MOV10L1: variants seen among roughly 807,000 people sequenced by gnomAD.
MOV10L1 encodes the protein Mov10 like RNA helicase 1.
Under a neutral mutation model 143.8 loss-of-function variants are expected in MOV10L1, and 110 were observed. That is an observed-to-expected ratio of 0.76 (90% CI 0.66 to 0.90). MOV10L1 has a LOEUF of 0.90. MOV10L1 is among the 40% of genes least tolerant of loss of function. The pLI is 0.00. For synonymous variants in MOV10L1, 593 were observed against 581.1 expected (o/e 1.02, Z -0.29); for missense variants, 1,406 against 1,526.8 (o/e 0.92, Z 1.32).
chr22:50,112,456 G>T (rs1380995693), intron 5 of MOV10L1, among the ~76,000 whole-genome samples: 1 of 152,240 alleles, frequency 6.6e-6, no homozygotes, highest in Non-Finnish European at 1.5e-5. Flanking sequence ...GGGGCCTGAA[G>T]CGTGGCCTGG....
At chr22:50,140,083 C>T (rs925604846) in intron 15 of MOV10L1, among the ~76,000 whole-genome samples, 5 of 152,206 alleles carry the variant, frequency 3.3e-5, no homozygotes. Context: ...AACCCAGTGT[C>T]CGTGAGCAGG....
At chr22:50,116,198 T>C (rs899633842) in intron 8 of MOV10L1, among the ~76,000 whole-genome samples, 1 of 151,962 alleles carries the variant, frequency 6.6e-6, no homozygotes, top group African/African-American at 2.4e-5. Context: ...CAATGCTTTT[T>C]TTTTTTTTTT....
chr22:50,125,261 C>T (rs2062464489), intron 10 of MOV10L1, 131 bp from the exon 11 acceptor site: 4 of 849,186 alleles, frequency 4.7e-6, no homozygotes, highest in African/African-American at 1.7e-5. Flanking sequence ...CTGCAGACTC[C>T]GGCGAGGATC....
rs974372909 is a variant in MOV10L1 at position 50,152,589 on chromosome 22, A to G, written c.2893-456A>G. Among the ~76,000 whole-genome samples the G allele has an allele frequency of 1.2e-4, 18 of 152,250 alleles. No individual in the cohort carries two copies. The highest frequency in any genetic ancestry group is 1.1e-3 in the Admixed American group (17 of 15,298). On this transcript the variant is annotated intron_variant, in intron 21 of 26. Transcript: ENST00000262794. The surrounding 1 kb of genome is among the most constrained non-coding windows in gnomAD (Gnocchi z 4.4). ...GGGCTGGCCAGGCCCCCAGAGTCAC[A>G]GTGTCTATGCTCTCCTGGCCCAGGG...
intron 12 of MOV10L1, among the ~76,000 whole-genome samples, chr22:50,127,444 G>C (rs1315490962): frequency 3.9e-5 from 6 of 152,210 alleles, no homozygotes; most frequent in Non-Finnish European, 8.8e-5. Flanking sequence ...TGTATAGTCA[G>C]GACTTGGTCT....
At position 50,120,533 on chromosome 22, in the gene MOV10L1, C is replaced by T. The variant is rs771313824; in HGVS notation, c.1486C>T (p.Pro496Ser). The T allele has an allele frequency of 1.9e-6, 3 of 1,611,664 alleles. No individual in the cohort carries two copies. The Admixed American group carries it at 5.0e-5, about 27-fold the overall frequency. ...AAGACGACAACTTCCAAGTTTTCTT[C>T]CCCAATATCCAATCCCAGATAGACT... Reference protein sequence around the residue: ...NSRRQLPSFLPQYPIPDRLRK... With the variant: ...NSRRQLPSFLSQYPIPDRLRK... The change falls in exon 10 of 27, where the codon CCC (proline) becomes TCC (serine). Residue 496 changes from proline (P) to serine (S), a missense_variant. Around this residue, in one of 3 missense-constraint regions of MOV10L1, gnomAD observed 1,233 missense variants for 1,351.4 expected, o/e 0.91. Coordinates refer to ENST00000262794, the MANE Select transcript of MOV10L1 (RefSeq NM_018995.3).
intron 21 of MOV10L1, 37 bp downstream of exon 21, chr22:50,150,936 T>A: frequency 6.2e-7 from 1 of 1,612,642 alleles, no homozygotes; most frequent in Non-Finnish European, 8.5e-7. Flanking sequence ...GGTCCCCAGC[T>A]AAGCAGACAC....
Position 50,142,206 on chromosome 22 carries a change from G to C in MOV10L1, c.2179+17G>C. On this transcript the variant is annotated intron_variant, in intron 16 of 26. Coordinates refer to ENST00000262794, the MANE Select transcript of MOV10L1 (RefSeq NM_018995.3). ...GCGATTGGGGTATGTGCTCATGAGG[G>C]GCAAGGAGAAGAGCAACTCTGAGAC... is the stretch of plus-strand genomic sequence containing the variant. 1 of 1,592,838 alleles carries C rather than the reference G, an allele frequency of 6.3e-7. No individual in the cohort carries two copies. Among genetic ancestry groups the C allele is most frequent in the Non-Finnish European group, 8.6e-7 (1 of 1,169,478 alleles).
At chr22:50,160,914 C>T in intron 25 of MOV10L1, 50 bp from the exon 26 acceptor site, 6 of 1,612,326 alleles carry the variant, frequency 3.7e-6, no homozygotes, top group Non-Finnish European at 5.1e-6. Context: ...CACCAGGAGA[C>T]ATGGGGCCTT....
intron 19 of MOV10L1, among the ~76,000 whole-genome samples, chr22:50,148,809 G>A (rs935435431): frequency 3.3e-5 from 5 of 152,086 alleles, no homozygotes; most frequent in African/African-American, 7.2e-5. Context: ...GACTACAGGC[G>A]CCCGCCACCA....
intron 19 of MOV10L1, among the ~76,000 whole-genome samples, chr22:50,146,060 C>T (rs2063144643): frequency 5.3e-5 from 8 of 152,052 alleles, no homozygotes; most frequent in Admixed American, 4.6e-4. Flanking sequence ...AGAGGCCCCG[C>T]GGTGGGGGAG....
chr22:50,144,449 CTGTG>C (rs35911313), intron 18 of MOV10L1, among the ~76,000 whole-genome samples: 1 of 152,080 alleles, frequency 6.6e-6, no homozygotes, highest in Non-Finnish European at 1.5e-5. Flanking sequence ...CATTCTCACT[CTGTG>C]TGAGTTATCA....
intron 5 of MOV10L1, among the ~76,000 whole-genome samples, chr22:50,111,019 G>A (rs2062009636): frequency 6.6e-6 from 1 of 152,018 alleles, no homozygotes; most frequent in African/African-American, 2.4e-5. Context: ...CTCCCTACTT[G>A]TGGGGCAGCC....
intron 13 of MOV10L1, among the ~76,000 whole-genome samples, chr22:50,133,057 T>C (rs1446417826): frequency 6.7e-6 from 1 of 150,200 alleles, no homozygotes. Flanking sequence ...CCAAAGACAG[T>C]TTTACTTCTT....
intron 22 of MOV10L1, among the ~76,000 whole-genome samples, chr22:50,156,711 T>C (rs1393312865): frequency 2.0e-5 from 3 of 152,146 alleles, no homozygotes; most frequent in African/African-American, 7.2e-5. Context: ...TTTCCTCCCT[T>C]TTGGGGGCTG....
chr22:50,104,312 C>CT (rs1489262043), intron 3 of MOV10L1, among the ~76,000 whole-genome samples: 1 of 152,216 alleles, frequency 6.6e-6, no homozygotes, highest in East Asian at 1.9e-4. Flanking sequence ...TCTGTCTACT[C>CT]TCCCCCAGCC....
chr22:50,150,360 T>A (rs565908050), intron 20 of MOV10L1, among the ~76,000 whole-genome samples: 110 of 152,138 alleles, frequency 7.2e-4, no homozygotes, highest in Non-Finnish European at 1.5e-3. Flanking sequence ...CCTGACCAGG[T>A]CAAGGCAACC....
At position 50,149,726 on chromosome 22, in the gene MOV10L1, C is replaced by G; in HGVS notation, c.2727+12C>G. ...ACATCAGTGGCCAGGTAAGTCCCGA[C>G]TACTGTGTGTGCTGCTTCCTCCTCA... On this transcript the variant is annotated intron_variant, in intron 20 of 26. Coordinates refer to ENST00000262794, the MANE Select transcript of MOV10L1 (RefSeq NM_018995.3). 6.2e-7 allele frequency: 1 copy of G among 1,608,506 alleles called. No individual in the cohort carries two copies. The highest frequency in any genetic ancestry group is 8.5e-7 in the Non-Finnish European group (1 of 1,176,146).
intron 5 of MOV10L1, among the ~76,000 whole-genome samples, chr22:50,111,872 G>T (rs890864324): frequency 6.6e-6 from 1 of 152,160 alleles, no homozygotes; most frequent in African/African-American, 2.4e-5. Context: ...TCCTCCATCA[G>T]TCTGCTTATT....
Sources: allele counts gnomAD v4.1 joint callset (sites outside exome capture counted in the v4.1 genomes callset), GRCh38; gene constraint gnomAD v4.1.1; regional missense constraint gnomAD v4.1.1; non-coding constraint Gnocchi (gnomAD v3.1); transcripts MANE v1.5; gene names NCBI Gene and HGNC (gene_info 2026-07-23, HGNC 2026-07-21).